The following IL1RAP variants were observed in gnomAD, a reference collection of about 807,000 sequenced individuals.
IL1RAP encodes the protein interleukin-1 receptor accessory protein.
A neutral mutation model predicts 60.7 loss-of-function variants in IL1RAP; 35 were observed. That is an observed-to-expected ratio of 0.58 (90% CI 0.44 to 0.76). The LOEUF (loss-of-function observed/expected upper bound fraction) is 0.76, where lower values mean the gene tolerates loss of function less well. Among genes scored for constraint, IL1RAP ranks in the 30% least tolerant of loss-of-function variants. IL1RAP has a pLI of 0.00. For missense variants in IL1RAP, 572 were observed against 693.9 expected, an observed-to-expected ratio of 0.82 and a Z score of 1.97; for synonymous variants, 268 against 250.9, an observed-to-expected ratio of 1.07 and a Z score of -0.64.
chr3:190,568,000 C>T lies in IL1RAP; in HGVS notation c.64+3647C>T, dbSNP rs114852641. Among the ~76,000 whole-genome samples, 963 of 152,204 alleles carry T rather than the reference C, an allele frequency of 6.3e-3. 14 individuals are homozygous for T. The highest frequency in any genetic ancestry group is 0.022 in the African/African-American group (908 of 41,522). ...TTGGAGTAGACATAAATTTTGGAAC[C>T]TGTGATCCCAAGTTGAGGAGGTAAT... On this transcript the variant is annotated intron_variant, in intron 3 of 11. Transcript: ENST00000447382.
chr3:190,555,618 A>C (rs1309715287), intron 1 of IL1RAP, among the ~76,000 whole-genome samples: 1 of 152,166 alleles, frequency 6.6e-6, no homozygotes, highest in Admixed American at 6.5e-5. Context: ...TGAAATTTAC[A>C]CAGCAGTTGT....
chr3:190,577,680 G>A (rs1217427486), intron 3 of IL1RAP, among the ~76,000 whole-genome samples: 1 of 152,114 alleles, frequency 6.6e-6, no homozygotes, highest in Non-Finnish European at 1.5e-5. Context: ...ATAGGGGCAT[G>A]CCACCAGGCT....
chr3:190,619,878 A>G lies in IL1RAP; in HGVS notation c.538-397A>G, dbSNP rs1227761894. Among the ~76,000 whole-genome samples the G allele has an allele frequency of 2.6e-5, 4 of 152,174 alleles. No individual in the cohort carries two copies. In the East Asian group the frequency reaches 7.7e-4, roughly 29 times the overall value. ...GTGACTGGAGTCCCAAATTAATATA[A>G]TCAGTGAAGAAATATTATAAAAAGA... On this transcript the variant is annotated intron_variant, in intron 5 of 11. Coordinates refer to ENST00000447382, the MANE Select transcript of IL1RAP (RefSeq NM_002182.4).
At chr3:190,534,362 T>G (rs1378807783) in intron 1 of IL1RAP, among the ~76,000 whole-genome samples, 2 of 152,126 alleles carry the variant, frequency 1.3e-5, no homozygotes, top group Admixed American at 1.3e-4. Context: ...GTTTCATTCC[T>G]TGTAGAAAAG....
At chr3:190,642,930 T>C (rs1733764035) in intron 9 of IL1RAP, among the ~76,000 whole-genome samples, 1 of 152,154 alleles carries the variant, frequency 6.6e-6, no homozygotes, top group Non-Finnish European at 1.5e-5. Context: ...TAAACTTCAT[T>C]ATCACAAGCT....
intron 9 of IL1RAP, among the ~76,000 whole-genome samples, chr3:190,636,564 C>T (rs1422219216): frequency 2.0e-5 from 3 of 151,480 alleles, no homozygotes; most frequent in South Asian, 2.1e-4. Flanking sequence ...GGTAGAGGGA[C>T]GGAGTCTTGC....
chr3:190,562,683 A>G (rs1283065510), intron 2 of IL1RAP, among the ~76,000 whole-genome samples: 8 of 142,434 alleles, frequency 5.6e-5, no homozygotes, highest in African/African-American at 1.4e-4. Flanking sequence ...CTGTATCAAA[A>G]CATATCTCGT....
chr3:190,643,269 T>C (rs1733787183), intron 9 of IL1RAP, among the ~76,000 whole-genome samples: 1 of 152,172 alleles, frequency 6.6e-6, no homozygotes, highest in African/African-American at 2.4e-5. Flanking sequence ...AAAATAATGA[T>C]ATTCGAGCAT....
intron 5 of IL1RAP, 113 bp from the exon 6 acceptor site, chr3:190,620,162 C>A: frequency 1.8e-6 from 1 of 546,050 alleles, no homozygotes. Flanking sequence ...ATAAAAACTG[C>A]AGCATGAATA....
chr3:190,522,399 GTATC>G lies in IL1RAP; in HGVS notation c.-89+8188_-89+8191del, dbSNP rs199662947. On this transcript the variant is annotated intron_variant, in intron 1 of 11. Transcript: ENST00000447382. ...TCCTATTATCTATGTATCTTTCTAT[GTATC>G]TATCTATGTATCTATGTATCTATCT... Among the ~76,000 whole-genome samples, 860 of 133,244 alleles carry G rather than the reference GTATC, an allele frequency of 6.5e-3. 3 individuals carry two copies. Among genetic ancestry groups the G allele is most frequent in the South Asian group, 8.8e-3 (38 of 4,296 alleles). 87.4% of individuals were successfully genotyped at this position (133,244 alleles called of 152,430 possible). A position where few individuals can be genotyped will look rare whatever the true frequency, so the allele number is the denominator to read the frequency against.
chr3:190,515,705 G>A (rs7630025), intron 1 of IL1RAP, among the ~76,000 whole-genome samples: 1,735 of 151,836 alleles, frequency 0.011, 43 homozygotes, highest in African/African-American at 0.04. Context: ...ATGGGTGAGA[G>A]GCAGAAAGAC....
chr3:190,649,978 C>G lies in IL1RAP; in HGVS notation c.*1273C>G. The G allele has an allele frequency of 1.5e-6, 1 of 683,162 alleles. No individual in the cohort carries two copies. The highest frequency in any genetic ancestry group is 1.8e-6 in the Non-Finnish European group (1 of 554,906). The allele number at this position is 683,162 out of a possible 1,614,324, so 42.3% of individuals were successfully genotyped here. A position where few individuals can be genotyped will look rare whatever the true frequency, so the allele number is the denominator to read the frequency against. On this transcript the variant is annotated 3_prime_UTR_variant, in exon 12 of 12. Transcript: ENST00000447382. ...TGTATATGAGATATATATCTTATAT[C>G]TCCACAAACACAAATTATATATATA...
At chr3:190,563,124 T>TTA (rs1726059510) in intron 2 of IL1RAP, among the ~76,000 whole-genome samples, 1 of 152,200 alleles carries the variant, frequency 6.6e-6, no homozygotes, top group African/African-American at 2.4e-5. Flanking sequence ...GCTCTTAAAA[T>TTA]TGGCCCATTT....
chr3:190,529,571 G>T lies in IL1RAP; in HGVS notation c.-89+15352G>T, dbSNP rs574483042. On this transcript the variant is annotated intron_variant, in intron 1 of 11. Transcript: ENST00000447382. ...GTGGTGACGCACGCCTGTACTCCCA[G>T]CTCCTTGGGAGGCTGAGGCAGGAGA... is the stretch of plus-strand genomic sequence containing the variant. 2.0e-4 allele frequency among the ~76,000 whole-genome samples: 31 copies of T among 152,090 alleles called. No individual in the cohort carries two copies. In the South Asian group the frequency reaches 4.4e-3, roughly 21 times the overall value.
chr3:190,519,226 T>A (rs1309060631), intron 1 of IL1RAP, among the ~76,000 whole-genome samples: 2 of 152,294 alleles, frequency 1.3e-5, no homozygotes, highest in African/African-American at 4.8e-5. Context: ...TCACATCTAT[T>A]TGCAAAAGTT....
chr3:190,567,323 A>G (rs1726501779), intron 3 of IL1RAP, among the ~76,000 whole-genome samples: 1 of 152,198 alleles, frequency 6.6e-6, no homozygotes, highest in South Asian at 2.1e-4. Context: ...GATAATTATA[A>G]TAGCGATTCT....
rs765274818 is a variant in IL1RAP at position 190,644,276 on chromosome 3, G to A, written c.1080G>A (p.Leu360=). The A allele has an allele frequency of 2.5e-6, 4 of 1,613,684 alleles. No homozygotes were observed. In the South Asian group the frequency reaches 3.3e-5, roughly 13 times the overall value. Residue 360 remains leucine, a synonymous_variant, in exon 10 of 12, where the codon CTG becomes CTA. Coordinates refer to ENST00000447382, the MANE Select transcript of IL1RAP (RefSeq NM_002182.4). ...CAGCTCCAAGATACACAGTGGAACT[G>A]GCTTGTGGTTTTGGAGCCACAGTCC... ...KVPAPRYTVE[L]ACGFGATVLL...
chr3:190,643,123 TGAA>T (rs1733775834), intron 9 of IL1RAP, among the ~76,000 whole-genome samples: 1 of 151,942 alleles, frequency 6.6e-6, no homozygotes, highest in African/African-American at 2.4e-5. Flanking sequence ...TGAGAGGGAG[TGAA>T]GAAGCTGACC....
At chr3:190,643,851 T>C (rs1176198797) in intron 9 of IL1RAP, among the ~76,000 whole-genome samples, 3 of 152,204 alleles carry the variant, frequency 2.0e-5, no homozygotes, top group Non-Finnish European at 4.4e-5. Flanking sequence ...CGTGGACTTC[T>C]TCAGGTAGCA....
Sources: gnomAD v4.1 joint callset for allele counts (sites outside exome capture counted in the v4.1 genomes callset) on GRCh38, gnomAD v4.1.1 for gene constraint, MANE v1.5 for transcripts, NCBI Gene and HGNC (gene_info 2026-07-23, HGNC 2026-07-21) for gene names.